DMAC2: variants seen among roughly 807,000 people sequenced by gnomAD.
The protein encoded by DMAC2 is distal membrane arm assembly component 2.
Under a neutral mutation model 29.6 loss-of-function variants are expected in DMAC2, and 32 were observed. The ratio of observed to expected loss-of-function variants is 1.08; its 90% CI spans 0.81 to 1.45. The LOEUF is 1.45. Ranked by LOEUF, DMAC2 falls within the 40% of genes most tolerant of loss-of-function variation. DMAC2 has a pLI of 0.00. For missense variants in DMAC2, 319 were observed against 340.0 expected, an observed-to-expected ratio of 0.94 and a Z score of 0.49; for synonymous variants, 133 against 137.4, an observed-to-expected ratio of 0.97 and a Z score of 0.23.
At position 41,438,220 on chromosome 19, in the gene DMAC2, AT is replaced by A. The variant is rs782426096; in HGVS notation, c.212del (p.Asn71IlefsTer22). On this transcript the variant is annotated frameshift_variant, in exon 2 of 6. Coordinates refer to ENST00000221943, the MANE Select transcript of DMAC2 (RefSeq NM_018035.3). LOFTEE classifies it high-confidence loss of function. ...QREMYKVHEK[N>X]RSYTWLEKQH... ...TCTTGCAGACCAGGGATTCTCACCG[AT>A]TTTTCTCATGCACCTTGTACATCTC... 1.2e-6 allele frequency: 2 copies of A among 1,613,388 alleles called. No individual in the cohort carries two copies. Among genetic ancestry groups the A allele is most frequent in the South Asian group, 2.2e-5 (2 of 91,040 alleles).
intron 3 of DMAC2, 97 bp downstream of exon 3, chr19:41,436,295 C>A: frequency 9.4e-7 from 1 of 1,060,390 alleles, no homozygotes; most frequent in South Asian, 1.3e-5. Flanking sequence ...GCGGCAGAGA[C>A]CAGGGGACTC....
chr19:41,436,301 G>T (rs2039861444), intron 3 of DMAC2, 91 bp downstream of exon 3: 1 of 1,112,324 alleles, frequency 9.0e-7, no homozygotes, highest in Non-Finnish European at 1.3e-6. Flanking sequence ...GAGACCAGGG[G>T]ACTCTGAAGC....
chr19:41,439,711 G>A, intron 1 of DMAC2, 171 bp downstream of exon 1: 1 of 1,329,332 alleles, frequency 7.5e-7, no homozygotes, highest in Non-Finnish European at 1.1e-6. Context: ...GACCCTCACA[G>A]ATCCTTCCTG....
Position 41,433,444 on chromosome 19 carries a change from GGA to G in DMAC2, c.434-12_434-11del, listed in dbSNP as rs1555770144. 4.3e-6 allele frequency: 7 copies of G among 1,613,098 alleles called. No individual in the cohort carries two copies. The highest frequency in any genetic ancestry group is 5.9e-6 in the Non-Finnish European group (7 of 1,179,158). The stretch of plus-strand genomic sequence containing the variant: ...AGCTCCTTCAGGCGGACTGCGGTGG[GGA>G]GAGGGTGGGATGGCACCAGGAGCCT... On this transcript the variant is annotated splice_polypyrimidine_tract_variant and intron_variant, in intron 4 of 5. Coordinates refer to ENST00000221943, the MANE Select transcript of DMAC2 (RefSeq NM_018035.3).
intron 5 of DMAC2, chr19:41,433,036 A>G: frequency 1.8e-6 from 1 of 546,492 alleles, no homozygotes; most frequent in Non-Finnish European, 3.2e-6. Flanking sequence ...GCTGTTCTGC[A>G]ACAGCGTCGA....
At chr19:41,437,421 G>C (rs1435648080) in intron 2 of DMAC2, among the ~76,000 whole-genome samples, 1 of 144,738 alleles carries the variant, frequency 6.9e-6, no homozygotes, top group African/African-American at 2.6e-5. Context: ...AATTTTGGCG[G>C]GGTGTGGTGG....
intron 1 of DMAC2, chr19:41,439,514 G>A: frequency 6.5e-7 from 1 of 1,536,764 alleles, no homozygotes; most frequent in African/African-American, 1.4e-5. Flanking sequence ...CCACATCCTC[G>A]AACAATCCCT....
chr19:41,436,454 CT>C lies in DMAC2; in HGVS notation c.233del (p.Glu78GlyfsTer15). ...CTGCGCCGTATGGACCATGTTGCTT[CT>C]CCAGCCAGGTGTAAGATCTGCAGAG... ...HEKNRSYTWL[E>X]KQHGPYGAGA... is the part of the protein sequence containing the mutation. On this transcript the variant is annotated frameshift_variant, in exon 3 of 6. Coordinates refer to ENST00000221943, the MANE Select transcript of DMAC2 (RefSeq NM_018035.3). LOFTEE classifies it high-confidence loss of function. 6 of 1,614,168 alleles carry C rather than the reference CT, an allele frequency of 3.7e-6. No individual in the cohort carries two copies. The highest frequency in any genetic ancestry group is 5.1e-6 in the Non-Finnish European group (6 of 1,180,024).
At chr19:41,433,219 G>C in intron 5 of DMAC2, 53 bp downstream of exon 5, 1 of 1,542,274 alleles carries the variant, frequency 6.5e-7, no homozygotes, top group Non-Finnish European at 8.7e-7. Flanking sequence ...CTGCATCTGG[G>C]TTAGGTGGGA....
intron 1 of DMAC2, 43 bp downstream of exon 1, chr19:41,439,839 A>C (rs782630064): frequency 3.7e-6 from 6 of 1,613,912 alleles, no homozygotes; most frequent in Non-Finnish European, 5.1e-6. Flanking sequence ...GAGGCTGTAG[A>C]GCGGACTTCA....
Position 41,432,467 on chromosome 19 carries a change from G to C in DMAC2, c.597-59C>G, listed in dbSNP as rs545027660. The C allele has an allele frequency of 3.8e-5, 58 of 1,539,760 alleles. No individual in the cohort carries two copies. The South Asian group carries it at 6.4e-4, about 17-fold the overall frequency. ...TAAGGACAGCATGTGTGTGTGTGTA[G>C]GGAGGTACAGGACAGCGTGTGCGTG... On this transcript the variant is annotated intron_variant, in intron 5 of 5. Transcript: ENST00000221943.
At chr19:41,438,501 C>T in intron 1 of DMAC2, 87 bp from the exon 2 acceptor site, 1 of 1,131,370 alleles carries the variant, frequency 8.8e-7, no homozygotes, top group Non-Finnish European at 1.2e-6. Context: ...CCATGAACCT[C>T]AATCCCTCTG....
chr19:41,439,738 G>T, intron 1 of DMAC2, 144 bp downstream of exon 1: 3 of 1,420,946 alleles, frequency 2.1e-6, no homozygotes, highest in Non-Finnish European at 3.0e-6. Context: ...ACTAGCCACA[G>T]GTTTGCACTC....
intron 1 of DMAC2, 173 bp downstream of exon 1, chr19:41,439,709 C>G (rs2040054890): frequency 7.5e-7 from 1 of 1,326,876 alleles, no homozygotes; most frequent in African/African-American, 1.5e-5. Context: ...GCGACCCTCA[C>G]AGATCCTTCC....
chr19:41,433,295 G>C lies in DMAC2; in HGVS notation c.573C>G (p.Gly191=). ...LAGCPRISER[G]LACLHHLQNL... ...ACTGGAGGTGGTGGAGGCAGGCGAG[G>C]CCCCGTTCGGAGATGCGGGGGCAAC... is the stretch of plus-strand genomic sequence containing the variant. The change falls in exon 5 of 6, where the codon GGC becomes GGG. Residue 191 remains glycine (G), a synonymous_variant. Coordinates refer to ENST00000221943, the MANE Select transcript of DMAC2 (RefSeq NM_018035.3). 6.2e-7 allele frequency: 1 copy of C among 1,610,076 alleles called. No individual in the cohort carries two copies.
In DMAC2 at chr19:41,431,940, T is replaced by C. The variant is rs2039531431; in HGVS notation, c.*291A>G. 2.1e-6 allele frequency: 1 copy of C among 476,492 alleles called. No homozygotes were observed. The highest frequency in any genetic ancestry group is 3.8e-6 in the Non-Finnish European group (1 of 262,254). The allele number at this position is 476,492 out of a possible 1,614,324, so 29.5% of individuals were successfully genotyped here. Reference sequence around the variant, plus strand: ...TAAGGACAGTTTGAGAAGAGTCTCCTGACAAGGTGAGTGTGGCTCTCTGCG... The same window carrying C: ...TAAGGACAGTTTGAGAAGAGTCTCCCGACAAGGTGAGTGTGGCTCTCTGCG... On this transcript the variant is annotated 3_prime_UTR_variant, in exon 6 of 6. Coordinates refer to ENST00000221943, the MANE Select transcript of DMAC2 (RefSeq NM_018035.3).
At chr19:41,434,921 G>A (rs1312941294) in intron 3 of DMAC2, among the ~76,000 whole-genome samples, 1 of 151,636 alleles carries the variant, frequency 6.6e-6, no homozygotes, top group Non-Finnish European at 1.5e-5. Context: ...CAGGAGAATT[G>A]CTTGAACCCA....
In DMAC2 at chr19:41,431,548, T is replaced by A; in HGVS notation, c.*683A>T. On this transcript the variant is annotated 3_prime_UTR_variant, in exon 6 of 6. Transcript: ENST00000221943. ...GCTGACCGCCTGGTGCTTCAGGAGCTGGGTGCTGGGGAAGCCACATGCACT... is the reference window on the plus strand; with the variant it reads ...GCTGACCGCCTGGTGCTTCAGGAGCAGGGTGCTGGGGAAGCCACATGCACT... 1 of 348,866 alleles carries A rather than the reference T, an allele frequency of 2.9e-6. No individual in the cohort carries two copies. The highest frequency in any genetic ancestry group is 5.6e-6 in the Non-Finnish European group (1 of 177,590). The allele number at this position is 348,866 out of a possible 1,614,324, so 21.6% of individuals were successfully genotyped here.
At chr19:41,439,705 C>A (rs782236260) in intron 1 of DMAC2, 177 bp downstream of exon 1, 1 of 1,313,434 alleles carries the variant, frequency 7.6e-7, no homozygotes. Context: ...GCCTGCGACC[C>A]TCACAGATCC....
Sources: gnomAD v4.1 joint callset for allele counts (sites outside exome capture counted in the v4.1 genomes callset) on GRCh38, gnomAD v4.1.1 for gene constraint, MANE v1.5 for transcripts, NCBI Gene and HGNC (gene_info 2026-07-23, HGNC 2026-07-21) for gene names.